The following JAG2 variants were observed in gnomAD, a reference collection of about 807,000 sequenced individuals.
JAG2 encodes the protein jagged canonical Notch ligand 2.
A neutral mutation model predicts 141.7 loss-of-function variants in JAG2; 46 were observed. That is an observed-to-expected ratio of 0.32 (90% confidence interval 0.26 to 0.42). The LOEUF is 0.42. Among genes scored for constraint, JAG2 ranks in the 10% least tolerant of loss-of-function variants. The pLI is 1.00. For missense variants in JAG2, 1,500 were observed against 1,817.5 expected (o/e 0.83, Z 3.18); for synonymous variants, 862 against 763.5 (o/e 1.13, Z -2.13).
Position 105,151,931 on chromosome 14 carries a change from C to T in JAG2, c.1039+7G>A, listed in dbSNP as rs377309230. On this transcript the variant is annotated splice_region_variant and intron_variant, in intron 7 of 25. Transcript: ENST00000331782. ...GCCAGAATTTGGGTGGCCAGCCCCC[C>T]ACGTACCCTTCTCACAGTTCCTGCC... The T allele has an allele frequency of 3.1e-6, 5 of 1,612,872 alleles. No homozygotes were observed. The East Asian group carries it at 8.9e-5, about 29-fold the overall frequency.
At chr14:105,156,119 G>A (rs1888576365) in intron 3 of JAG2, 130 bp from the exon 4 acceptor site, 6 of 1,218,026 alleles carry the variant, frequency 4.9e-6, no homozygotes, top group Non-Finnish European at 6.8e-6. Flanking sequence ...GCAGCACACG[G>A]AGGGCAGGGC....
chr14:105,157,638 G>A, intron 3 of JAG2, 68 bp downstream of exon 3: 1 of 1,354,520 alleles, frequency 7.4e-7, no homozygotes, highest in Non-Finnish European at 1.0e-6. Flanking sequence ...AGCAGACAGA[G>A]GAGCTGGGCC....
At chr14:105,163,111 G>A (rs1595189706) in intron 2 of JAG2, among the ~76,000 whole-genome samples, 1 of 152,090 alleles carries the variant, frequency 6.6e-6, no homozygotes, top group Non-Finnish European at 1.5e-5. Context: ...TCTTCTCCTC[G>A]GCCTCCCGCA....
In JAG2 at chr14:105,145,727, T is replaced by A; in HGVS notation, c.2952+4A>T. On this transcript the variant is annotated splice_donor_region_variant and intron_variant, in intron 23 of 25. Transcript: ENST00000331782. ...GCAAGCTCAGATGCCACCAGGCCCC[T>A]CACCTGGGGCACGTGGTCACGGTTG... 1 of 1,591,348 alleles carries A rather than the reference T, an allele frequency of 6.3e-7. No homozygotes were observed. Among genetic ancestry groups the A allele is most frequent in the Non-Finnish European group, 8.5e-7 (1 of 1,169,638 alleles).
chr14:105,149,135 C>CCCA, intron 13 of JAG2, 35 bp downstream of exon 13: 1 of 1,533,882 alleles, frequency 6.5e-7, no homozygotes, highest in Non-Finnish European at 8.9e-7. Context: ...CCCTGCCCCA[C>CCCA]CACCTCCCCC....
chr14:105,148,160 C>T lies in JAG2; in HGVS notation c.2204G>A (p.Arg735His), dbSNP rs587744246. ...CTTCCAGCCGGGGGGGCAGGCGCAG[C>T]GGAAGGTGTCGCCGCTGTCGTAGCA... ...GTCYDSGDTFRCACPPGWKGS... is the reference protein window; with the variant it reads ...GTCYDSGDTFHCACPPGWKGS... The change falls in exon 17 of 26, where the codon CGC (arginine) becomes CAC (histidine). Residue 735 changes from arginine to histidine, a missense_variant. Coordinates refer to ENST00000331782, the MANE Select transcript of JAG2 (RefSeq NM_002226.5). 18 of 1,550,768 alleles carry T rather than the reference C, an allele frequency of 1.2e-5. No homozygotes were observed. Among genetic ancestry groups the T allele is most frequent in the South Asian group, 9.5e-5 (8 of 84,164 alleles).
Position 105,142,284 on chromosome 14 carries a change from C to T in JAG2, c.*411G>A. Reference sequence around the variant, plus strand: ...GGGTCCCACCAACAGCCATGGGCCACACCAACACAGCCATGGGTCTCACCG... The same window carrying T: ...GGGTCCCACCAACAGCCATGGGCCATACCAACACAGCCATGGGTCTCACCG... On this transcript the variant is annotated 3_prime_UTR_variant, in exon 26 of 26. Coordinates refer to ENST00000331782, the MANE Select transcript of JAG2 (RefSeq NM_002226.5). The T allele has an allele frequency of 5.2e-6, 1 of 193,378 alleles. No homozygotes were observed. The highest frequency in any genetic ancestry group is 5.9e-5 in the Admixed American group (1 of 17,058). The allele number at this position is 193,378 out of a possible 1,614,324, so 12.0% of individuals were successfully genotyped here. A position where few individuals can be genotyped will look rare whatever the true frequency, so the allele number is the denominator to read the frequency against.
intron 2 of JAG2, among the ~76,000 whole-genome samples, chr14:105,160,872 A>C (rs1361281577): frequency 6.6e-6 from 1 of 151,886 alleles, no homozygotes; most frequent in African/African-American, 2.4e-5. Flanking sequence ...TCAAAAAAAA[A>C]AAAAAAAGGC....
chr14:105,155,206 C>T (rs992485519), intron 5 of JAG2, among the ~76,000 whole-genome samples: 5 of 151,644 alleles, frequency 3.3e-5, no homozygotes, highest in Admixed American at 6.6e-5. Context: ...TGTCACTTGC[C>T]GGCCGCTCGC....
chr14:105,151,988 T>C lies in JAG2; in HGVS notation c.989A>G (p.Gln330Arg), dbSNP rs1888449468. 3.1e-6 allele frequency: 5 copies of C among 1,613,324 alleles called. No individual in the cohort carries two copies. Among genetic ancestry groups the C allele is most frequent in the East Asian group, 2.2e-5 (1 of 44,868 alleles). The change falls in exon 7 of 26, where the codon CAG (glutamine) becomes CGG (arginine). Residue 330 changes from glutamine to arginine, a missense_variant. This residue lies in a region of JAG2 where 875 missense variants were observed against 1,202.2 expected (regional missense o/e 0.73). Coordinates refer to ENST00000331782, the MANE Select transcript of JAG2 (RefSeq NM_002226.5). ...GCCGTCAGGGCAGGTGCAGCGGTAC[T>C]GGTCAGGCTCGGCGTTGATGCACGT... ...GGTCINAEPD[Q>R]YRCTCPDGYS...
In JAG2 at chr14:105,155,776, G is replaced by A. The variant is rs750060198; in HGVS notation, c.689C>T (p.Ala230Val). Residue 230 changes from alanine to valine, a missense_variant, in exon 4 of 26, where the codon GCC (alanine) becomes GTC (valine). By Grantham distance (64) the Ala-to-Val change is moderately conservative. This residue lies in a region of JAG2 where 875 missense variants were observed against 1,202.2 expected (regional missense o/e 0.73). Transcript: ENST00000331782. Reference protein sequence around the residue: ...HYTCDQYGNKACMDGWMGKEC... With the variant: ...HYTCDQYGNKVCMDGWMGKEC... ...CTTGCCCATCCAGCCGTCCATGCAG[G>A]CCTTGTTGCCGTACTGGTCGCAGGT... The A allele has an allele frequency of 2.5e-6, 4 of 1,612,948 alleles. No homozygotes were observed. In the East Asian group the frequency reaches 8.9e-5, roughly 36 times the overall value.
At chr14:105,145,647 C>T (rs1888198248) in intron 23 of JAG2, 84 bp downstream of exon 23, 17 of 1,517,510 alleles carry the variant, frequency 1.1e-5, no homozygotes, top group Middle Eastern at 1.8e-4. Context: ...GGCCTCCCTG[C>T]CCTGCGGGGC....
chr14:105,147,177 A>T, intron 20 of JAG2, 149 bp downstream of exon 20: 1 of 701,646 alleles, frequency 1.4e-6, no homozygotes, highest in Non-Finnish European at 2.5e-6. Context: ...CAGGGCACAG[A>T]CATGTGGGGA....
chr14:105,165,085 CA>C (rs1888869816), intron 2 of JAG2, among the ~76,000 whole-genome samples: 1 of 152,244 alleles, frequency 6.6e-6, no homozygotes. Context: ...CCCTCGCTGG[CA>C]GGCAGGCTCC....
intron 25 of JAG2, 57 bp downstream of exon 25, chr14:105,143,425 C>T (rs1249407672): frequency 3.9e-6 from 6 of 1,526,258 alleles, no homozygotes; most frequent in East Asian, 4.9e-5. Flanking sequence ...CGGCTCTGTG[C>T]CCAATGCCTG....
chr14:105,161,155 G>A (rs1455582434), intron 2 of JAG2, among the ~76,000 whole-genome samples: 1 of 142,516 alleles, frequency 7.0e-6, no homozygotes, highest in African/African-American at 2.6e-5. Context: ...TCTGTTGGGG[G>A]TCTGAGTGAG....
rs778330799 is a variant in JAG2, at chr14:105,145,932, G to T, written c.2751C>A (p.Pro917=). 1.3e-6 allele frequency: 2 copies of T among 1,580,356 alleles called. No homozygotes were observed. The highest frequency in any genetic ancestry group is 1.7e-6 in the Non-Finnish European group (2 of 1,164,914). The change falls in exon 23 of 26, where the codon CCC becomes CCA. Residue 917 remains proline (P), a synonymous_variant. Coordinates refer to ENST00000331782, the MANE Select transcript of JAG2 (RefSeq NM_002226.5). The part of the protein sequence containing the change: ...GWKPCLLAGQ[P]EALSAQCPLG... Reference sequence around the variant, plus strand: ...GTGGGCACTGGGCGCTCAGGGCCTCGGGCTGGCCGGCCAGCAGACAAGGCT... The same window carrying T: ...GTGGGCACTGGGCGCTCAGGGCCTCTGGCTGGCCGGCCAGCAGACAAGGCT...
rs771713196 is a variant in JAG2, at chr14:105,145,053, C to T, written c.2961G>A (p.Thr987=). Reference sequence around the variant, plus strand: ...GGATCCCGGAGCAAATGGCGCCCACCGTGGTGCCCTGGGCAGAGACAGGCA... The same window carrying T: ...GGATCCCGGAGCAAATGGCGCCCACTGTGGTGCCCTGGGCAGAGACAGGCA... The part of the protein sequence containing the change: ...FNRDHVPQGT[T]VGAICSGIRS... The change falls in exon 24 of 26, where the codon ACG becomes ACA. Residue 987 remains threonine (T), a synonymous_variant. Transcript: ENST00000331782. The T allele has an allele frequency of 1.4e-5, 23 of 1,610,024 alleles. No homozygotes were observed. Among genetic ancestry groups the T allele is most frequent in the Non-Finnish European group, 1.9e-5 (22 of 1,179,760 alleles).
chr14:105,143,083 C>T lies in JAG2; in HGVS notation c.3329G>A (p.Arg1110Lys), dbSNP rs375610143. 12 of 1,600,646 alleles carry T rather than the reference C, an allele frequency of 7.5e-6. No homozygotes were observed. The highest frequency in any genetic ancestry group is 8.5e-6 in the Non-Finnish European group (10 of 1,179,626). ...CAGCCGGCTCCTCTCCCGCTCTTTC[C>T]TGCGCTTGCGTGTCCACCACACGCA... ...VLCVWWTRKR[R>K]KERERSRLPR... is the part of the protein sequence containing the mutation. The change falls in exon 26 of 26, where the codon AGG (arginine) becomes AAG (lysine). Residue 1110 changes from arginine to lysine, a missense_variant. By Grantham distance (26) the Arg-to-Lys change is conservative. This residue lies in a region of JAG2 where 425 missense variants were observed against 441.0 expected (regional missense o/e 0.96). Coordinates refer to ENST00000331782, the MANE Select transcript of JAG2 (RefSeq NM_002226.5).
Sources: allele counts gnomAD v4.1 joint callset (sites outside exome capture counted in the v4.1 genomes callset), GRCh38; gene constraint gnomAD v4.1.1; regional missense constraint gnomAD v4.1.1; transcripts MANE v1.5; gene names NCBI Gene and HGNC (gene_info 2026-07-23, HGNC 2026-07-21).